The following CLUH variants were observed in gnomAD, a reference collection of about 807,000 sequenced individuals.
CLUH encodes the protein CLUH binding protein of NUMT mRNA.
A neutral mutation model predicts 139.3 loss-of-function variants in CLUH; 77 were observed. That is an observed-to-expected ratio of 0.55 (90% confidence interval 0.46 to 0.67). The LOEUF is 0.67. CLUH is among the 30% of genes least tolerant of loss of function. The pLI, the probability that CLUH is intolerant of heterozygous loss-of-function variation, is 0.00. For synonymous variants in CLUH, 999 were observed against 801.6 expected (o/e 1.25, Z -4.16); for missense variants, 1,876 against 1,875.8 (o/e 1.00, Z 0.00).
rs755758534 is a variant in CLUH, at chr17:2,695,035, G to A, written c.2674C>T (p.Pro892Ser). The A allele has an allele frequency of 3.7e-6, 6 of 1,613,388 alleles. No individual in the cohort carries two copies. In the Admixed American group the frequency reaches 6.7e-5, roughly 18 times the overall value. The change falls in exon 16 of 26, where the codon CCA becomes TCA. Residue 892 changes from proline (P) to serine (S), a missense_variant. By Grantham distance (74) the Pro-to-Ser change is moderately conservative. This residue lies in a region of CLUH where 1,454 missense variants were observed against 1,384.4 expected (regional missense o/e 1.05). Coordinates refer to ENST00000651024, the MANE Select transcript of CLUH (RefSeq NM_001366661.1). ...HFLNCFLSSY[P>S]NPVAHLPADE... is the part of the protein sequence containing the mutation. Reference sequence around the variant, plus strand: ...GCGGGCAGGTGGGCCACGGGGTTTGGGTAGGAGCTCAGGAAGCAGTTCAGG... The same window carrying A: ...GCGGGCAGGTGGGCCACGGGGTTTGAGTAGGAGCTCAGGAAGCAGTTCAGG...
intron 11 of CLUH, 56 bp from the exon 12 acceptor site, chr17:2,696,594 G>C: frequency 6.5e-7 from 1 of 1,531,638 alleles, no homozygotes; most frequent in South Asian, 1.2e-5. Context: ...GTGGAGCTGG[G>C]CTGCGCCAAG....
At chr17:2,696,617 G>A (rs923572701) in intron 11 of CLUH, 79 bp from the exon 12 acceptor site, 1 of 1,536,258 alleles carries the variant, frequency 6.5e-7, no homozygotes, top group Non-Finnish European at 8.8e-7. Flanking sequence ...TCGCCCCCTA[G>A]CTCCTTGCAG....
rs1381550525 is a variant in CLUH at position 2,693,767 on chromosome 17, C to G, written c.3231+133G>C. On this transcript the variant is annotated intron_variant, in intron 19 of 25. Coordinates refer to ENST00000651024, the MANE Select transcript of CLUH (RefSeq NM_001366661.1). ...GGACACAGTTACAGAGGGGTGGAGC[C>G]AGGGGTGGCCTGGGCAGAACCAGCG... The G allele has an allele frequency of 2.6e-6, 3 of 1,165,458 alleles. No individual in the cohort carries two copies. In the East Asian group the frequency reaches 7.7e-5, roughly 30 times the overall value. The allele number at this position is 1,165,458 out of a possible 1,614,324, so 72.2% of individuals were successfully genotyped here.
intron 17 of CLUH, 34 bp from the exon 18 acceptor site, chr17:2,694,310 A>G: frequency 6.4e-7 from 1 of 1,560,144 alleles, no homozygotes; most frequent in Non-Finnish European, 8.7e-7. Flanking sequence ...AGGAAGCCTC[A>G]GGCCCAGGTT....
Position 2,695,215 on chromosome 17 carries a change from C to T in CLUH, c.2607+3G>A. ...GGCCAGCCGCAGAGCGGACGGGTGGCACCTGTAAGTACGTCTTGAAGATGT... is the reference window on the plus strand; with the variant it reads ...GGCCAGCCGCAGAGCGGACGGGTGGTACCTGTAAGTACGTCTTGAAGATGT... On this transcript the variant is annotated splice_donor_region_variant and intron_variant, in intron 15 of 25. Coordinates refer to ENST00000651024, the MANE Select transcript of CLUH (RefSeq NM_001366661.1). 1 of 1,613,908 alleles carries T rather than the reference C, an allele frequency of 6.2e-7. No homozygotes were observed. The highest frequency in any genetic ancestry group is 1.1e-5 in the South Asian group (1 of 91,084).
At chr17:2,691,191 G>A (rs974910700) in intron 25 of CLUH, among the ~76,000 whole-genome samples, 3 of 152,142 alleles carry the variant, frequency 2.0e-5, no homozygotes, top group Admixed American at 2.0e-4. Context: ...TTAGGGACTG[G>A]TGGGAAAACG....
In CLUH at chr17:2,709,168, G is replaced by C. The variant is rs151150345; in HGVS notation, c.100+2394C>G. Among the ~76,000 whole-genome samples, 8 of 152,262 alleles carry C rather than the reference G, an allele frequency of 5.3e-5. No homozygotes were observed. The East Asian group carries it at 1.5e-3, about 29-fold the overall frequency. On this transcript the variant is annotated intron_variant, in intron 1 of 25. Coordinates refer to ENST00000651024, the MANE Select transcript of CLUH (RefSeq NM_001366661.1). ...AGGCCTCCCAGAGGACCTGTGTGCTGCCCAAGCCAGGCACAATCTCACTCA... is the reference window on the plus strand; with the variant it reads ...AGGCCTCCCAGAGGACCTGTGTGCTCCCCAAGCCAGGCACAATCTCACTCA...
In CLUH at chr17:2,711,728, T is replaced by G. The variant is rs983259923; in HGVS notation, c.-67A>C. The G allele has an allele frequency of 3.0e-6, 2 of 670,836 alleles. No individual in the cohort carries two copies. Among genetic ancestry groups the G allele is most frequent in the African/African-American group, 2.0e-5 (1 of 50,768 alleles). The allele number at this position is 670,836 out of a possible 1,614,324, so 41.6% of individuals were successfully genotyped here. A position where few individuals can be genotyped will look rare whatever the true frequency, so the allele number is the denominator to read the frequency against. ...CGCCGCGCCACTAACCCAAGTGCCC[T>G]GCGCGCCGCGGCTGCTGAGGGAAGG... On this transcript the variant is annotated 5_prime_UTR_variant, in exon 1 of 26. Coordinates refer to ENST00000651024, the MANE Select transcript of CLUH (RefSeq NM_001366661.1).
At chr17:2,697,103 CAGGA>C (rs2069980051) in intron 10 of CLUH, among the ~76,000 whole-genome samples, 161 bp from the exon 11 acceptor site, 2 of 152,144 alleles carry the variant, frequency 1.3e-5, no homozygotes, top group African/African-American at 4.8e-5. Flanking sequence ...TCTCCCAAGA[CAGGA>C]AGAAAAAGGC....
rs746873716 is a variant in CLUH, at chr17:2,700,386, A to C, written c.1262T>G (p.Phe421Cys). 12 of 1,612,502 alleles carry C rather than the reference A, an allele frequency of 7.4e-6. No homozygotes were observed. Among genetic ancestry groups the C allele is most frequent in the Non-Finnish European group, 9.3e-6 (11 of 1,179,586 alleles). ...GTCAGCAGAGGCTGCAGGCACCTTG[A>C]ATATGGCCCTTTCTCGGAGCAGCCG... ...PERLLRERAI[F>C]KVHSDFTAAA... The change falls in exon 9 of 26, where the codon TTC becomes TGC. Residue 421 changes from phenylalanine (F) to cysteine (C), a missense_variant. Around this residue, in one of 3 missense-constraint regions of CLUH, gnomAD observed 1,454 missense variants for 1,384.4 expected, o/e 1.05. Coordinates refer to ENST00000651024, the MANE Select transcript of CLUH (RefSeq NM_001366661.1).
chr17:2,693,408 A>C (rs552040587), intron 19 of CLUH, among the ~76,000 whole-genome samples: 1 of 152,212 alleles, frequency 6.6e-6, no homozygotes, highest in African/African-American at 2.4e-5. Context: ...AAACAAACAA[A>C]CAAACAAACA....
chr17:2,694,058 G>C lies in CLUH; in HGVS notation c.3092-19C>G, dbSNP rs770065490. 18 of 1,613,738 alleles carry C rather than the reference G, an allele frequency of 1.1e-5. No homozygotes were observed. In the African/African-American group the frequency reaches 2.1e-4, roughly 19 times the overall value. On this transcript the variant is annotated intron_variant, in intron 18 of 25. Coordinates refer to ENST00000651024, the MANE Select transcript of CLUH (RefSeq NM_001366661.1). ...AGGAAGCCTGCAGGGCACCCCCAGGGGTGGCAAGGTCAGGACGGGCCATGG... is the reference window on the plus strand; with the variant it reads ...AGGAAGCCTGCAGGGCACCCCCAGGCGTGGCAAGGTCAGGACGGGCCATGG...
chr17:2,691,911 A>T lies in CLUH; in HGVS notation c.3655-16T>A, dbSNP rs2069657973. 1 of 1,482,058 alleles carries T rather than the reference A, an allele frequency of 6.7e-7. No homozygotes were observed. 91.8% of individuals were successfully genotyped at this position (1,482,058 alleles called of 1,614,324 possible). On this transcript the variant is annotated splice_polypyrimidine_tract_variant and intron_variant, in intron 23 of 25. Coordinates refer to ENST00000651024, the MANE Select transcript of CLUH (RefSeq NM_001366661.1). Reference sequence around the variant, plus strand: ...CCTCGCCCAGCTGCGGGGAGGCGGGAAGGGATCAGGCCCCCCCGTGCCCCC... The same window carrying T: ...CCTCGCCCAGCTGCGGGGAGGCGGGTAGGGATCAGGCCCCCCCGTGCCCCC...
intron 10 of CLUH, 22 bp from the exon 11 acceptor site, chr17:2,696,964 A>C: frequency 6.6e-7 from 1 of 1,515,016 alleles, no homozygotes; most frequent in East Asian, 2.4e-5. Flanking sequence ...GAAACAGGGC[A>C]GAGCAGGAGC....
rs754789424 is a variant in CLUH at position 2,695,208 on chromosome 17, C to T, written c.2607+10G>A. ...AGGCCATGGCCAGCCGCAGAGCGGA[C>T]GGGTGGCACCTGTAAGTACGTCTTG... On this transcript the variant is annotated intron_variant, in intron 15 of 25. Transcript: ENST00000651024. 19 of 1,613,904 alleles carry T rather than the reference C, an allele frequency of 1.2e-5. No individual in the cohort carries two copies. The highest frequency in any genetic ancestry group is 6.7e-5 in the Admixed American group (4 of 60,030).
At chr17:2,695,799 G>A in intron 13 of CLUH, 1 of 585,990 alleles carries the variant, frequency 1.7e-6, no homozygotes, top group Non-Finnish European at 3.0e-6. Flanking sequence ...GTGTCCTGAG[G>A]CTTGGAGGCC....
Position 2,702,017 on chromosome 17 carries a change from A to G in CLUH, c.516T>C (p.His172=), listed in dbSNP as rs774828549. The G allele has an allele frequency of 3.7e-6, 6 of 1,613,938 alleles. No homozygotes were observed. Among genetic ancestry groups the G allele is most frequent in the South Asian group, 1.1e-5 (1 of 91,068 alleles). ...CCAGGCTCTTGAGCAGGTCTCGGAC[A>G]TGGCGCACGTGGATGCGGGCCTCAC... ...TVREARIHVR[H]VRDLLKSLDP... Residue 172 remains histidine (H), a synonymous_variant, in exon 4 of 26, where the codon CAT becomes CAC. Coordinates refer to ENST00000651024, the MANE Select transcript of CLUH (RefSeq NM_001366661.1).
At position 2,702,025 on chromosome 17, in the gene CLUH, C is replaced by T. The variant is rs776492697; in HGVS notation, c.508G>A (p.Val170Met). The T allele has an allele frequency of 4.4e-5, 71 of 1,613,734 alleles. 1 individual carries two copies. Among genetic ancestry groups the T allele is most frequent in the South Asian group, 1.2e-4 (11 of 91,052 alleles). The change falls in exon 4 of 26, where the codon GTG becomes ATG. Residue 170 changes from valine (V) to methionine (M), a missense_variant. By Grantham distance (21) the Val-to-Met change is conservative (BLOSUM62 1). Around this residue, in one of 3 missense-constraint regions of CLUH, gnomAD observed 270 missense variants for 354.7 expected, o/e 0.76. Coordinates refer to ENST00000651024, the MANE Select transcript of CLUH (RefSeq NM_001366661.1). Reference sequence around the variant, plus strand: ...TTGAGCAGGTCTCGGACATGGCGCACGTGGATGCGGGCCTCACGCACCGTG... The same window carrying T: ...TTGAGCAGGTCTCGGACATGGCGCATGTGGATGCGGGCCTCACGCACCGTG... ...PYTVREARIH[V>M]RHVRDLLKSL...
chr17:2,703,507 C>T lies in CLUH; in HGVS notation c.304-18G>A, dbSNP rs568070248. The T allele has an allele frequency of 1.9e-6, 3 of 1,609,186 alleles. No individual in the cohort carries two copies. The highest frequency in any genetic ancestry group is 2.2e-5 in the East Asian group (1 of 44,788). ...GGGGACACCTGCAGGGAGAAGGCCCCGCCCACCCCGGTGAGAGAGCACGTA... is the reference window on the plus strand; with the variant it reads ...GGGGACACCTGCAGGGAGAAGGCCCTGCCCACCCCGGTGAGAGAGCACGTA... On this transcript the variant is annotated intron_variant, in intron 2 of 25. Transcript: ENST00000651024. This position sits in a 1 kb window ranked among gnomAD's most constrained non-coding sequence, Gnocchi z 4.2.
Sources: gnomAD v4.1 joint callset for allele counts (sites outside exome capture counted in the v4.1 genomes callset) on GRCh38, gnomAD v4.1.1 for gene constraint, gnomAD v4.1.1 regional missense constraint, Gnocchi (gnomAD v3.1) non-coding constraint, MANE v1.5 for transcripts, NCBI Gene and HGNC (gene_info 2026-07-23, HGNC 2026-07-21) for gene names.